The following GRIA3 variants were observed in gnomAD, a reference collection of about 807,000 sequenced individuals.
GRIA3 encodes glutamate receptor 3.
In GRIA3, 3 loss-of-function variants were observed where a neutral mutation model predicts 63.0. The observed-to-expected ratio is 0.05, with a 90% CI of 0.02 to 0.12. The LOEUF is 0.12. Ranked by LOEUF, GRIA3 falls within the 10% of genes least tolerant of loss-of-function variation. GRIA3 has a pLI of 1.00. For missense variants in GRIA3, 347 were observed against 700.9 expected (o/e 0.50, Z 5.70); for synonymous variants, 274 against 257.9 (o/e 1.06, Z -0.60).
At chrX:123,464,812 T>A in intron 12 of GRIA3, 53 bp from the exon 13 acceptor site, 1 of 1,129,561 alleles carries the variant, frequency 8.9e-7, no homozygotes, top group Non-Finnish European at 1.2e-6. Flanking sequence ...GCACTAACCC[T>A]CCTCCAGACT....
chrX:123,218,537 G>C (rs1338873555), intron 2 of GRIA3, among the ~76,000 whole-genome samples: 1 of 111,140 alleles, frequency 9.0e-6, no homozygotes, highest in African/African-American at 3.3e-5. Flanking sequence ...TCGGCTCACT[G>C]CAAGCTCCGC....
At chrX:123,350,916 C>T (rs1421012101) in intron 4 of GRIA3, among the ~76,000 whole-genome samples, 1 of 111,980 alleles carries the variant, frequency 8.9e-6, no homozygotes, top group Non-Finnish European at 1.9e-5. Context: ...TCACACATTT[C>T]CCCTTATTAC....
At chrX:123,403,553 T>C in intron 9 of GRIA3, 34 bp downstream of exon 9, 1 of 838,420 alleles carries the variant, frequency 1.2e-6, no homozygotes. Flanking sequence ...GGGCTTTCTG[T>C]CCAGCAAGAC....
chrX:123,284,325 A>C (rs905860234), intron 3 of GRIA3, among the ~76,000 whole-genome samples: 5 of 111,688 alleles, frequency 4.5e-5, no homozygotes, highest in African/African-American at 1.6e-4. Flanking sequence ...AATTCCAAAA[A>C]CCAGAATGCC....
chrX:123,266,460 T>C (rs180901490), intron 3 of GRIA3, among the ~76,000 whole-genome samples: 1 of 111,522 alleles, frequency 9.0e-6, no homozygotes, highest in East Asian at 2.8e-4. Context: ...CTCTTCATCA[T>C]ATTGCACATC....
At chrX:123,421,812 A>G (rs2045565705) in intron 11 of GRIA3, among the ~76,000 whole-genome samples, 1 of 111,677 alleles carries the variant, frequency 9.0e-6, no homozygotes, top group South Asian at 3.8e-4. Flanking sequence ...ACTTATTTTT[A>G]AGTTGAAGAA....
At chrX:123,451,505 TAAAAAAAAAAAAAA>T (rs56991039) in intron 12 of GRIA3, among the ~76,000 whole-genome samples, 6 of 16,190 alleles carry the variant, frequency 3.7e-4, no homozygotes, top group Non-Finnish European at 4.3e-4. Context: ...ACTCTGTCTC[TAAAAAAAAAAAAAA>T]AAAAAAAAAA....
chrX:123,442,096 G>T (rs1430379460), intron 12 of GRIA3, among the ~76,000 whole-genome samples: 1 of 112,012 alleles, frequency 8.9e-6, no homozygotes. Context: ...TAAAGTTAAG[G>T]GACAGGTACT....
At chrX:123,465,331 G>A (rs777360984) in intron 13 of GRIA3, among the ~76,000 whole-genome samples, 2 of 111,129 alleles carry the variant, frequency 1.8e-5, no homozygotes, top group Non-Finnish European at 3.8e-5. Flanking sequence ...CTCTCTGACT[G>A]TTTGTTGCTG....
At chrX:123,342,647 C>T (rs2045016372) in intron 4 of GRIA3, among the ~76,000 whole-genome samples, 1 of 111,769 alleles carries the variant, frequency 8.9e-6, no homozygotes, top group Admixed American at 9.5e-5. Flanking sequence ...TCTGATTATC[C>T]AACATTCATC....
At chrX:123,214,680 CA>C (rs1294367356) in intron 2 of GRIA3, among the ~76,000 whole-genome samples, 1 of 112,031 alleles carries the variant, frequency 8.9e-6, no homozygotes, top group African/African-American at 3.3e-5. Flanking sequence ...TCCTCTTGAA[CA>C]TTCATAATGC....
chrX:123,216,607 G>C (rs1308693317), intron 2 of GRIA3, among the ~76,000 whole-genome samples: 2 of 111,663 alleles, frequency 1.8e-5, no homozygotes. Context: ...AGGATGAAGT[G>C]CAGACTTGGC....
intron 5 of GRIA3, among the ~76,000 whole-genome samples, chrX:123,361,835 A>G (rs150112093): frequency 3.6e-5 from 4 of 111,909 alleles, no homozygotes; most frequent in African/African-American, 9.7e-5. Context: ...TTCCTAAACT[A>G]CCTGTGAAGA....
At chrX:123,192,563 C>A (rs1927465980) in intron 2 of GRIA3, among the ~76,000 whole-genome samples, 1 of 112,070 alleles carries the variant, frequency 8.9e-6, no homozygotes. Flanking sequence ...CCAGCATATT[C>A]TCTTCTGGAT....
chrX:123,228,760 C>G lies in GRIA3; in HGVS notation c.269-24543C>G, dbSNP rs144836498. On this transcript the variant is annotated intron_variant, in intron 2 of 15. Coordinates refer to ENST00000620443, the MANE Select transcript of GRIA3 (RefSeq NM_007325.5). The stretch of plus-strand genomic sequence containing the variant: ...AAGGACACATAAAACATATCCAGTC[C>G]AAAGGCACAAATCAGGCAGTTGTCC... 3.6e-5 allele frequency among the ~76,000 whole-genome samples: 4 copies of G among 111,181 alleles called. No homozygotes were observed. The East Asian group carries it at 1.1e-3, about 32-fold the overall frequency.
At chrX:123,210,215 T>A (rs2147260033) in intron 2 of GRIA3, among the ~76,000 whole-genome samples, 1 of 103,165 alleles carries the variant, frequency 9.7e-6, no homozygotes, top group African/African-American at 3.5e-5. Context: ...GCTTCCTAAA[T>A]CCCCTAATCT....
intron 3 of GRIA3, among the ~76,000 whole-genome samples, chrX:123,319,044 T>C (rs1432310752): frequency 2.7e-5 from 3 of 111,482 alleles, no homozygotes; most frequent in Non-Finnish European, 5.7e-5. Flanking sequence ...ACCCATCAGA[T>C]CTTGTGAAAC....
intron 2 of GRIA3, among the ~76,000 whole-genome samples, chrX:123,229,908 T>G (rs1385598767): frequency 8.9e-6 from 1 of 112,209 alleles, no homozygotes; most frequent in Non-Finnish European, 1.9e-5. Flanking sequence ...TGTTCATTAT[T>G]ATGATTATCA....
At chrX:123,428,871 A>T (rs2045603403) in intron 12 of GRIA3, among the ~76,000 whole-genome samples, 1 of 112,174 alleles carries the variant, frequency 8.9e-6, no homozygotes, top group Non-Finnish European at 1.9e-5. Flanking sequence ...GGGACAAACC[A>T]CTTTCACATA....
Sources: gnomAD v4.1 joint callset for allele counts (sites outside exome capture counted in the v4.1 genomes callset) on GRCh38, gnomAD v4.1.1 for gene constraint, MANE v1.5 for transcripts, NCBI Gene and HGNC (gene_info 2026-07-23, HGNC 2026-07-21) for gene names.